Variants in OCM observed in about 807,000 individuals in gnomAD.
The protein encoded by OCM is oncomodulin.
A neutral mutation model predicts 14.1 loss-of-function variants in OCM; 18 were observed. The ratio of observed to expected loss-of-function variants is 1.28; its 90% CI spans 0.88 to 1.89. The LOEUF (loss-of-function observed/expected upper bound fraction) is 1.89. Ranked by LOEUF, OCM falls within the 40% of genes most tolerant of loss-of-function variation. The pLI, the probability that OCM is intolerant of heterozygous loss-of-function variation, is 0.00. For synonymous variants in OCM, 48 were observed against 51.0 expected (o/e 0.94, Z 0.25); for missense variants, 140 against 137.6 (o/e 1.02, Z -0.09).
At chr7:5,885,073 T>C (rs1333528895) in intron 3 of OCM, among the ~76,000 whole-genome samples, 1 of 150,828 alleles carries the variant, frequency 6.6e-6, no homozygotes, top group Non-Finnish European at 1.5e-5. Context: ...GGAGCCAAGA[T>C]GGCACCATTG....
chr7:5,874,221 CT>C, the OCM span, among the ~76,000 whole-genome samples: 1 of 61,752 alleles, frequency 1.6e-5, no homozygotes. Context: ...GAGACTCTGT[CT>C]CAAAAAAAAA....
chr7:5,876,780 T>C (rs1353231649), upstream of OCM, among the ~76,000 whole-genome samples: 1 of 151,838 alleles, frequency 6.6e-6, no homozygotes, highest in Non-Finnish European at 1.5e-5. Context: ...GAGGTCCTGC[T>C]CTAGGTATCC....
chr7:5,864,656 T>C, the OCM span, among the ~76,000 whole-genome samples: 1 of 152,042 alleles, frequency 6.6e-6, no homozygotes, highest in African/African-American at 2.4e-5. Context: ...AAAGTTCTCA[T>C]TAGAATAAAT....
rs774355604 is a variant in OCM at position 5,886,053 on chromosome 7, T to C, written c.305-11T>C. The C allele has an allele frequency of 1.2e-6, 2 of 1,614,018 alleles. No homozygotes were observed. Among genetic ancestry groups the C allele is most frequent in the East Asian group, 4.5e-5 (2 of 44,902 alleles). On this transcript the variant is annotated splice_polypyrimidine_tract_variant and intron_variant, in intron 3 of 3. Coordinates refer to ENST00000242104, the MANE Select transcript of OCM (RefSeq NM_001097622.2). ...CCTCCACTGACCCTGTTCTCACCTC[T>C]TCTGTTCTAGAATTCCAGGAAATGG...
At chr7:5,868,833 C>T in the OCM span, among the ~76,000 whole-genome samples, 155 of 152,108 alleles carry the variant, frequency 1.0e-3, no homozygotes, top group Middle Eastern at 3.4e-3. Flanking sequence ...GAGGCCAAGT[C>T]AGGTGGATCA....
upstream of OCM, among the ~76,000 whole-genome samples, chr7:5,877,584 C>T (rs1781119755): frequency 6.6e-6 from 1 of 151,750 alleles, no homozygotes; most frequent in African/African-American, 2.4e-5. Context: ...TTTGGGAGGC[C>T]GAGGCAGGTG....
At chr7:5,874,608 G>A in the OCM span, among the ~76,000 whole-genome samples, 4 of 152,000 alleles carry the variant, frequency 2.6e-5, no homozygotes, top group African/African-American at 9.7e-5. Flanking sequence ...GGGCTTAAGT[G>A]ATCCTCCCAC....
At chr7:5,876,686 G>A (rs531819954), upstream of OCM, among the ~76,000 whole-genome samples, 17 of 152,228 alleles carry the variant, frequency 1.1e-4, no homozygotes, top group South Asian at 2.7e-3. Flanking sequence ...GTTCACTGAC[G>A]ACACTAGGGC....
At chr7:5,867,583 T>TG in the OCM span, among the ~76,000 whole-genome samples, 1 of 152,140 alleles carries the variant, frequency 6.6e-6, no homozygotes, top group African/African-American at 2.4e-5. Context: ...ATTTTTCTGG[T>TG]CCCTCCTCTT....
At chr7:5,877,929 C>G (rs1185360290), upstream of OCM, among the ~76,000 whole-genome samples, 1 of 149,254 alleles carries the variant, frequency 6.7e-6, no homozygotes, top group African/African-American at 2.5e-5. Context: ...AAGACAAATA[C>G]TATATGATTA....
chr7:5,875,864 C>G (rs1269366718), upstream of OCM, among the ~76,000 whole-genome samples: 1 of 149,242 alleles, frequency 6.7e-6, no homozygotes, highest in Non-Finnish European at 1.5e-5. Flanking sequence ...GAGACAAGGT[C>G]TCACTGTGTC....
chr7:5,869,754 G>A, the OCM span, among the ~76,000 whole-genome samples: 1 of 151,764 alleles, frequency 6.6e-6, no homozygotes, highest in Non-Finnish European at 1.5e-5. Flanking sequence ...ACAACTCACC[G>A]CCCTGCCCAT....
chr7:5,878,687 C>T (rs1781146660), upstream of OCM, among the ~76,000 whole-genome samples: 1 of 151,028 alleles, frequency 6.6e-6, no homozygotes, highest in Non-Finnish European at 1.5e-5. Context: ...GCGGAGCTTG[C>T]AGTGAGCCAA....
chr7:5,867,783 A>T, the OCM span, among the ~76,000 whole-genome samples: 8 of 151,818 alleles, frequency 5.3e-5, no homozygotes, highest in South Asian at 1.7e-3. Flanking sequence ...TTTTTCTAAG[A>T]TGGGGTCTTG....
At chr7:5,864,154 A>G in the OCM span, among the ~76,000 whole-genome samples, 5 of 151,872 alleles carry the variant, frequency 3.3e-5, no homozygotes, top group Non-Finnish European at 4.4e-5. Flanking sequence ...AGCCTGGGCA[A>G]CATGATGAGA....
chr7:5,882,960 A>G (rs1781252583), intron 2 of OCM, among the ~76,000 whole-genome samples: 1 of 150,094 alleles, frequency 6.7e-6, no homozygotes, highest in Non-Finnish European at 1.5e-5. Context: ...CTCATGCCTC[A>G]GTCTCCCAAG....
chr7:5,871,692 C>T, the OCM span: 1 of 152,152 alleles, frequency 6.6e-6, no homozygotes, highest in East Asian at 1.9e-4. Flanking sequence ...ACTGAGGCCC[C>T]CATAGTGAAA....
chr7:5,868,322 A>AT, the OCM span, among the ~76,000 whole-genome samples: 1 of 150,586 alleles, frequency 6.6e-6, no homozygotes, highest in East Asian at 2.0e-4. Context: ...GAACTTTTTA[A>AT]TTTTTGTAGA....
chr7:5,864,263 C>G, the OCM span, among the ~76,000 whole-genome samples: 7 of 151,382 alleles, frequency 4.6e-5, no homozygotes, highest in Non-Finnish European at 1.0e-4. Flanking sequence ...GGGGAAATCA[C>G]TTGAGCCCAG....
Sources: gnomAD v4.1 joint callset for allele counts (sites outside exome capture counted in the v4.1 genomes callset) on GRCh38, gnomAD v4.1.1 for gene constraint, MANE v1.5 for transcripts, NCBI Gene and HGNC (gene_info 2026-07-23, HGNC 2026-07-21) for gene names.